The following CLDN10 variants were observed in gnomAD, a reference collection of about 807,000 sequenced individuals.
The protein encoded by CLDN10 is claudin 10, also known as claudin-10.
A neutral mutation model predicts 22.9 loss-of-function variants in CLDN10; 15 were observed. The observed-to-expected ratio is 0.65, with a 90% CI of 0.44 to 1.01. CLDN10 has a LOEUF of 1.01. Among genes scored for constraint, CLDN10 ranks in the 50% least tolerant of loss-of-function variants. The pLI is 0.00. For missense variants in CLDN10, 247 were observed against 287.8 expected, an observed-to-expected ratio of 0.86 and a Z score of 1.03; for synonymous variants, 114 against 111.4, an observed-to-expected ratio of 1.02 and a Z score of -0.15.
intron 1 of CLDN10, among the ~76,000 whole-genome samples, chr13:95,456,476 A>G (rs2042482892): frequency 6.6e-6 from 1 of 152,158 alleles, no homozygotes; most frequent in Non-Finnish European, 1.5e-5. Flanking sequence ...AAATCAGCCT[A>G]GCATGGTGAC....
chr13:95,487,449 A>G (rs777221934), intron 1 of CLDN10, among the ~76,000 whole-genome samples: 2 of 152,164 alleles, frequency 1.3e-5, no homozygotes, highest in Non-Finnish European at 2.9e-5. Flanking sequence ...TTTCCTCTGC[A>G]CTTCTCTTAG....
At chr13:95,555,300 G>A (rs1392505958) in intron 1 of CLDN10, among the ~76,000 whole-genome samples, 4 of 152,050 alleles carry the variant, frequency 2.6e-5, no homozygotes, top group Non-Finnish European at 4.4e-5. Flanking sequence ...CACCCTCCTC[G>A]GCCTCCCAAA....
intron 1 of CLDN10, among the ~76,000 whole-genome samples, chr13:95,522,605 T>C (rs756526330): frequency 3.2e-4 from 49 of 152,098 alleles, no homozygotes; most frequent in Non-Finnish European, 4.1e-4. Context: ...TTGCTGGTAG[T>C]GTTTCTCAAG....
intron 1 of CLDN10, among the ~76,000 whole-genome samples, chr13:95,471,271 G>A (rs1210167371): frequency 1.3e-5 from 2 of 151,896 alleles, no homozygotes; most frequent in Non-Finnish European, 2.9e-5. Context: ...AAGCGAGGAA[G>A]GCAGGAGTTA....
Position 95,578,087 on chromosome 13 carries a change from C to G in CLDN10, c.*73C>G. The G allele has an allele frequency of 1.3e-6, 1 of 779,746 alleles. No individual in the cohort carries two copies. Among genetic ancestry groups the G allele is most frequent in the South Asian group, 1.7e-5 (1 of 58,612 alleles). 48.3% of individuals were successfully genotyped at this position (779,746 alleles called of 1,614,324 possible). A position where few individuals can be genotyped will look rare whatever the true frequency, so the allele number is the denominator to read the frequency against. On this transcript the variant is annotated 3_prime_UTR_variant, in exon 5 of 5. Transcript: ENST00000299339. ...TGTTCACAAAATGATCCCATCAAGGCCCTCCCATAATTAACACTCAAAACT... is the reference window on the plus strand; with the variant it reads ...TGTTCACAAAATGATCCCATCAAGGGCCTCCCATAATTAACACTCAAAACT...
At chr13:95,544,781 C>CTT (rs769985564) in intron 1 of CLDN10, among the ~76,000 whole-genome samples, 3 of 145,300 alleles carry the variant, frequency 2.1e-5, no homozygotes, top group Non-Finnish European at 3.0e-5. Context: ...TAGTTTTCAA[C>CTT]TTTTTTTTTT....
At chr13:95,534,228 C>T (rs2043376350) in intron 1 of CLDN10, among the ~76,000 whole-genome samples, 1 of 151,916 alleles carries the variant, frequency 6.6e-6, no homozygotes. Flanking sequence ...TATGAAAACA[C>T]ACAGAAAGCA....
At chr13:95,484,891 AAAAAG>A (rs1286556165) in intron 1 of CLDN10, among the ~76,000 whole-genome samples, 2 of 123,344 alleles carry the variant, frequency 1.6e-5, no homozygotes, top group Non-Finnish European at 3.4e-5. Context: ...AAAAAAAAAA[AAAAAG>A]AAGCAGAGTG....
At chr13:95,512,342 G>A (rs1455977272) in intron 1 of CLDN10, among the ~76,000 whole-genome samples, 1 of 151,756 alleles carries the variant, frequency 6.6e-6, no homozygotes, top group Admixed American at 6.6e-5. Context: ...TGACCAACAA[G>A]GCTAGGACCA....
upstream of CLDN10, among the ~76,000 whole-genome samples, chr13:95,548,549 G>A (rs1283150311): frequency 4.6e-5 from 7 of 152,144 alleles, no homozygotes; most frequent in Admixed American, 4.6e-4. Flanking sequence ...TGTTCATTCT[G>A]TAACTATTCC....
At chr13:95,538,153 CTTTTTTTTTTTTTTTT>C (rs1176533524) in intron 1 of CLDN10, among the ~76,000 whole-genome samples, 1 of 66,802 alleles carries the variant, frequency 1.5e-5, no homozygotes, top group Non-Finnish European at 2.6e-5. Context: ...CTGTTTATTT[CTTTTTTTTTTTTTTTT>C]TTTTTTTTTT....
chr13:95,553,113 CT>C, intron 1 of CLDN10, 140 bp downstream of exon 1: 2 of 1,209,730 alleles, frequency 1.7e-6, no homozygotes, highest in Non-Finnish European at 2.3e-6. Context: ...CCAACAGGGC[CT>C]TAGGGAGCCA....
At chr13:95,449,293 C>T (rs2042410541) in intron 1 of CLDN10, among the ~76,000 whole-genome samples, 1 of 152,044 alleles carries the variant, frequency 6.6e-6, no homozygotes, top group African/African-American at 2.4e-5. Flanking sequence ...GCTCTGTTGC[C>T]CAGGCTGGAG....
rs1332963096 is a variant in CLDN10 at position 95,560,194 on chromosome 13, A to G, written c.283A>G (p.Ile95Val). The part of the protein sequence containing the change: ...AAVSLGFFGS[I>V]FALFGMKCTK... ...TGTCAGCCTGGGCTTCTTTGGTTCCATATTTGCGCTCTTTGGAATGAAGTG... is the reference window on the plus strand; with the variant it reads ...TGTCAGCCTGGGCTTCTTTGGTTCCGTATTTGCGCTCTTTGGAATGAAGTG... Residue 95 changes from isoleucine to valine, a missense_variant, in exon 2 of 5, where the codon ATA (isoleucine) becomes GTA (valine). By Grantham distance (29) the Ile-to-Val change is conservative (BLOSUM62 3). Coordinates refer to ENST00000299339, the MANE Select transcript of CLDN10 (RefSeq NM_006984.5). 6 of 1,614,200 alleles carry G rather than the reference A, an allele frequency of 3.7e-6. No individual in the cohort carries two copies. Among genetic ancestry groups the G allele is most frequent in the Admixed American group, 1.7e-5 (1 of 60,018 alleles).
At chr13:95,441,089 G>A (rs1041238935) in intron 1 of CLDN10, among the ~76,000 whole-genome samples, 4 of 152,294 alleles carry the variant, frequency 2.6e-5, no homozygotes, top group African/African-American at 7.2e-5. Context: ...GGCACTCAAC[G>A]AAGTTGTGTG....
intron 3 of CLDN10, among the ~76,000 whole-genome samples, chr13:95,572,283 G>GT (rs1445005402): frequency 8.5e-5 from 13 of 152,106 alleles, no homozygotes; most frequent in African/African-American, 3.1e-4. Flanking sequence ...CATTGATTGG[G>GT]TTTTTTATAG....
chr13:95,507,677 G>A (rs1209978117), intron 1 of CLDN10, among the ~76,000 whole-genome samples: 5 of 151,674 alleles, frequency 3.3e-5, no homozygotes, highest in Non-Finnish European at 5.9e-5. Context: ...AGCCTGGAGT[G>A]CAATGGTGCA....
intron 1 of CLDN10, among the ~76,000 whole-genome samples, chr13:95,496,876 C>G (rs989983672): frequency 6.6e-6 from 1 of 152,204 alleles, no homozygotes; most frequent in East Asian, 1.9e-4. Context: ...ATTGCACCAT[C>G]TGCTACTGGG....
intron 1 of CLDN10, among the ~76,000 whole-genome samples, chr13:95,534,171 A>G (rs2043375688): frequency 6.6e-6 from 1 of 152,212 alleles, no homozygotes; most frequent in South Asian, 2.1e-4. Flanking sequence ...TTTAATTCTC[A>G]TTATATCCCC....
Sources: gnomAD v4.1 joint callset for allele counts (sites outside exome capture counted in the v4.1 genomes callset) on GRCh38, gnomAD v4.1.1 for gene constraint, MANE v1.5 for transcripts, NCBI Gene and HGNC (gene_info 2026-07-23, HGNC 2026-07-21) for gene names.